NUDCD1: variants seen among roughly 807,000 people sequenced by gnomAD.
The protein encoded by NUDCD1 is NudC domain containing 1.
A neutral mutation model predicts 67.8 loss-of-function variants in NUDCD1; 60 were observed. The ratio of observed to expected loss-of-function variants is 0.88; its 90% CI spans 0.72 to 1.10. The LOEUF (loss-of-function observed/expected upper bound fraction) is 1.10. Among genes scored for constraint, NUDCD1 ranks in the 50% least tolerant of loss-of-function variants. The pLI, the probability that NUDCD1 is intolerant of heterozygous loss-of-function variation, is 0.00. For synonymous variants in NUDCD1, 244 were observed against 230.8 expected, an observed-to-expected ratio of 1.06 and a Z score of -0.52; for missense variants, 643 against 695.0, an observed-to-expected ratio of 0.93 and a Z score of 0.84.
At chr8:109,274,198 A>C (rs1247236655) in intron 7 of NUDCD1, among the ~76,000 whole-genome samples, 1 of 152,150 alleles carries the variant, frequency 6.6e-6, no homozygotes. Flanking sequence ...CATTCTAACC[A>C]CTGCAGTAAG....
At chr8:109,304,532 G>A (rs531585963) in intron 2 of NUDCD1, among the ~76,000 whole-genome samples, 2 of 152,156 alleles carry the variant, frequency 1.3e-5, no homozygotes, top group African/African-American at 4.8e-5. Flanking sequence ...GCCTTAACTC[G>A]GGCCCTCACT....
At chr8:109,277,421 C>T (rs1814316351) in intron 6 of NUDCD1, among the ~76,000 whole-genome samples, 1 of 151,810 alleles carries the variant, frequency 6.6e-6, no homozygotes, top group Non-Finnish European at 1.5e-5. Context: ...TCTAAGACTG[C>T]ATTTGTACGT....
intron 4 of NUDCD1, among the ~76,000 whole-genome samples, chr8:109,290,820 T>G (rs974875389): frequency 6.6e-6 from 1 of 152,194 alleles, no homozygotes; most frequent in African/African-American, 2.4e-5. Flanking sequence ...AATCACAACT[T>G]AATGTCATAT....
At chr8:109,288,426 G>T (rs1814624393) in intron 5 of NUDCD1, among the ~76,000 whole-genome samples, 1 of 152,066 alleles carries the variant, frequency 6.6e-6, no homozygotes, top group Non-Finnish European at 1.5e-5. Flanking sequence ...TTTGGATGAG[G>T]TTAGCATTAT....
intron 2 of NUDCD1, among the ~76,000 whole-genome samples, chr8:109,306,634 C>T (rs988543471): frequency 6.6e-6 from 1 of 150,502 alleles, no homozygotes; most frequent in African/African-American, 2.4e-5. Flanking sequence ...ATGTTGAACC[C>T]CCCCCACCCC....
intron 5 of NUDCD1, 130 bp from the exon 6 acceptor site, chr8:109,281,302 A>C: frequency 5.2e-6 from 3 of 578,332 alleles, no homozygotes; most frequent in Non-Finnish European, 9.1e-6. Flanking sequence ...ATAAACAAAC[A>C]TGCACAGATC....
chr8:109,331,670 G>A (rs1322325427), intron 1 of NUDCD1, among the ~76,000 whole-genome samples: 1 of 152,138 alleles, frequency 6.6e-6, no homozygotes, highest in Non-Finnish European at 1.5e-5. Context: ...TCAATGGATT[G>A]TTTATTGTGA....
At chr8:109,301,167 AAAG>A (rs1183981841) in intron 2 of NUDCD1, among the ~76,000 whole-genome samples, 1 of 152,158 alleles carries the variant, frequency 6.6e-6, no homozygotes, top group Non-Finnish European at 1.5e-5. Context: ...AAGATCCACA[AAAG>A]AAGTGAGAAT....
chr8:109,271,155 A>G, intron 7 of NUDCD1, 25 bp from the exon 8 acceptor site: 1 of 1,461,866 alleles, frequency 6.8e-7, no homozygotes, highest in Non-Finnish European at 9.3e-7. Context: ...TAAAATAAGT[A>G]AATAAGTAAA....
At chr8:109,269,945 TAAAAA>T (rs11347205) in intron 8 of NUDCD1, among the ~76,000 whole-genome samples, 1 of 128,392 alleles carries the variant, frequency 7.8e-6, no homozygotes, top group African/African-American at 2.9e-5. Flanking sequence ...GGTTCTAAAT[TAAAAA>T]AAAAAAAAAA....
chr8:109,243,184 A>T lies in NUDCD1; in HGVS notation c.1577T>A (p.Met526Lys), dbSNP rs1813412106. The T allele has an allele frequency of 2.5e-6, 4 of 1,613,846 alleles. No homozygotes were observed. In the Admixed American group the frequency reaches 6.7e-5, roughly 27 times the overall value. ...CTTTCTGTTGTAAAGTACAGTGGAC[A>T]TGGGAGCAGGCTGACGATAGATGAA... ...RVFIYRQPAP[M>K]STVLYNRKEG... Residue 526 changes from methionine (M) to lysine (K), a missense_variant, in exon 10 of 10, where the codon ATG becomes AAG. Met to Lys is a moderately conservative substitution (Grantham distance 95). Coordinates refer to ENST00000239690, the MANE Select transcript of NUDCD1 (RefSeq NM_032869.4).
At chr8:109,306,230 G>A (rs1209530703) in intron 2 of NUDCD1, among the ~76,000 whole-genome samples, 2 of 152,014 alleles carry the variant, frequency 1.3e-5, no homozygotes, top group African/African-American at 4.8e-5. Context: ...CTCCCTCTTG[G>A]AGTGGATAGA....
Position 109,313,864 on chromosome 8 carries a change from T to C in NUDCD1, c.273+8445A>G, listed in dbSNP as rs933708943. 24 of 1,043,602 alleles carry C rather than the reference T, an allele frequency of 2.3e-5. No homozygotes were observed. The East Asian group carries it at 3.0e-4, about 13-fold the overall frequency. The allele number at this position is 1,043,602 out of a possible 1,614,324, so 64.6% of individuals were successfully genotyped here. A position where few individuals can be genotyped will look rare whatever the true frequency, so the allele number is the denominator to read the frequency against. ...TCAGATAAATGGGTACAATATCCAA[T>C]AGAATGATTAAGATACTTGAGTATC... On this transcript the variant is annotated intron_variant, in intron 2 of 9. Transcript: ENST00000239690.
In NUDCD1 at chr8:109,296,289, T is replaced by G. The variant is rs953102781; in HGVS notation, c.459+95A>C. On this transcript the variant is annotated intron_variant, in intron 3 of 9. Transcript: ENST00000239690. Reference sequence around the variant, plus strand: ...TATATCAAACAAACAACAGATCACATGTAAACCATCCTTGAAAAGTGTCAT... The same window carrying G: ...TATATCAAACAAACAACAGATCACAGGTAAACCATCCTTGAAAAGTGTCAT... The G allele has an allele frequency of 4.1e-6, 4 of 983,936 alleles. No individual in the cohort carries two copies. In the African/African-American group the frequency reaches 6.5e-5, roughly 16 times the overall value. 61.0% of individuals were successfully genotyped at this position (983,936 alleles called of 1,614,324 possible).
At chr8:109,244,151 A>T (rs970532045) in intron 9 of NUDCD1, among the ~76,000 whole-genome samples, 4 of 152,136 alleles carry the variant, frequency 2.6e-5, no homozygotes, top group African/African-American at 9.7e-5. Context: ...ACTACTGAGC[A>T]CATGCAGATC....
intron 8 of NUDCD1, among the ~76,000 whole-genome samples, chr8:109,254,403 A>G (rs769284936): frequency 5.9e-5 from 9 of 152,212 alleles, no homozygotes; most frequent in Non-Finnish European, 1.2e-4. Flanking sequence ...AAGGCTTTAA[A>G]TATTTTTGGT....
Position 109,322,238 on chromosome 8 carries a change from G to C in NUDCD1, c.273+71C>G, listed in dbSNP as rs2130133123. On this transcript the variant is annotated intron_variant, in intron 2 of 9. Transcript: ENST00000239690. ...ACTTCTCTGGATATTAGATTCAAAA[G>C]GGAAACTTAATTATCAAATTTGCTT... The C allele has an allele frequency of 5.0e-6, 4 of 793,208 alleles. No individual in the cohort carries two copies. The East Asian group carries it at 1.1e-4, about 22-fold the overall frequency. 49.1% of individuals were successfully genotyped at this position (793,208 alleles called of 1,614,324 possible). A position where few individuals can be genotyped will look rare whatever the true frequency, so the allele number is the denominator to read the frequency against.
chr8:109,274,062 T>C (rs928319103), intron 7 of NUDCD1, among the ~76,000 whole-genome samples: 1 of 152,092 alleles, frequency 6.6e-6, no homozygotes, highest in Admixed American at 6.5e-5. Context: ...GAAGAAAATT[T>C]CTTCAATGTA....
chr8:109,255,827 C>G (rs1398290464), intron 8 of NUDCD1, among the ~76,000 whole-genome samples: 1 of 152,026 alleles, frequency 6.6e-6, no homozygotes, highest in East Asian at 1.9e-4. Context: ...ACATTTCAGG[C>G]AGAGATAATA....
Sources: allele counts gnomAD v4.1 joint callset (sites outside exome capture counted in the v4.1 genomes callset), GRCh38; gene constraint gnomAD v4.1.1; transcripts MANE v1.5; gene names NCBI Gene and HGNC (gene_info 2026-07-23, HGNC 2026-07-21).